Variants in TEAD4 observed in about 807,000 individuals in gnomAD.
The protein encoded by TEAD4 is TEA domain transcription factor 4.
TEAD4 carries 36 observed loss-of-function variants against 52.4 expected under a neutral mutation model. That is an observed-to-expected ratio of 0.69 (90% CI 0.53 to 0.91). TEAD4 has a LOEUF of 0.91. Among genes scored for constraint, TEAD4 ranks in the 40% least tolerant of loss-of-function variants. The pLI is 0.00. For missense variants in TEAD4, 508 were observed against 583.9 expected, an observed-to-expected ratio of 0.87 and a Z score of 1.34; for synonymous variants, 220 against 231.0, an observed-to-expected ratio of 0.95 and a Z score of 0.43.
At chr12:2,973,627 C>T (rs575801773) in intron 2 of TEAD4, among the ~76,000 whole-genome samples, 1 of 152,180 alleles carries the variant, frequency 6.6e-6, no homozygotes, top group Middle Eastern at 3.2e-3. Context: ...CCAAGAAGCT[C>T]TGTTCCTGGC....
Position 2,964,622 on chromosome 12 carries a change from TA to T in TEAD4, c.-30+4584del, listed in dbSNP as rs2098218707. Among the ~76,000 whole-genome samples, 3 of 109,442 alleles carry T rather than the reference TA, an allele frequency of 2.7e-5. No homozygotes were observed. In the Admixed American group the frequency reaches 2.8e-4, roughly 10 times the overall value. The allele number at this position is 109,442 out of a possible 152,430, so 71.8% of individuals were successfully genotyped here. A position where few individuals can be genotyped will look rare whatever the true frequency, so the allele number is the denominator to read the frequency against. ...ACAGGTGCCTGCCACCACACCTGGC[TA>T]ATTTTTTTTTTTTTTTTTTTGTATT... On this transcript the variant is annotated intron_variant, in intron 2 of 12. Coordinates refer to ENST00000359864, the MANE Select transcript of TEAD4 (RefSeq NM_003213.4).
chr12:3,038,125 G>T lies in TEAD4; in HGVS notation c.1038+17G>T. On this transcript the variant is annotated intron_variant, in intron 11 of 12. Coordinates refer to ENST00000359864, the MANE Select transcript of TEAD4 (RefSeq NM_003213.4). ...AAAGTTGAGGTAGGAGGCCACCCTG[G>T]CGGGTGAGGGCCGGTGGCAGTGGTC... 6 of 1,607,062 alleles carry T rather than the reference G, an allele frequency of 3.7e-6. No individual in the cohort carries two copies. Among genetic ancestry groups the T allele is most frequent in the Non-Finnish European group, 5.1e-6 (6 of 1,175,378 alleles).
intron 5 of TEAD4, among the ~76,000 whole-genome samples, chr12:3,014,731 C>A (rs1283459550): frequency 6.6e-6 from 1 of 152,196 alleles, no homozygotes; most frequent in Non-Finnish European, 1.5e-5. Context: ...GCTCCATTGC[C>A]CGGCTACTGC....
At chr12:2,981,031 C>T (rs2098233735) in intron 2 of TEAD4, among the ~76,000 whole-genome samples, 1 of 152,170 alleles carries the variant, frequency 6.6e-6, no homozygotes, top group Non-Finnish European at 1.5e-5. Context: ...GTGCAGCTAC[C>T]TCAAGGGGAT....
At chr12:2,966,913 G>A (rs1323874588) in intron 2 of TEAD4, among the ~76,000 whole-genome samples, 1 of 152,054 alleles carries the variant, frequency 6.6e-6, no homozygotes, top group Non-Finnish European at 1.5e-5. Context: ...CACCATGCTG[G>A]CCAGGCTGGT....
At chr12:2,971,459 T>TTTTTA (rs1002576062) in intron 2 of TEAD4, among the ~76,000 whole-genome samples, 3 of 152,036 alleles carry the variant, frequency 2.0e-5, no homozygotes, top group African/African-American at 4.8e-5. Context: ...TTTATTTTTA[T>TTTTTA]TTTTATTTTA....
At position 3,033,584 on chromosome 12, in the gene TEAD4, T is replaced by A. The variant is rs11838269; in HGVS notation, c.898-4384T>A. ...CTCTTCCCTTTCAGTCCCTGACATT[T>A]CTCCCAGGCACATACCAGCACATGA... On this transcript the variant is annotated intron_variant, in intron 10 of 12. Coordinates refer to ENST00000359864, the MANE Select transcript of TEAD4 (RefSeq NM_003213.4). Among the ~76,000 whole-genome samples the A allele has an allele frequency of 2.2e-3, 333 of 152,232 alleles. 2 individuals carry two copies. The highest frequency in any genetic ancestry group is 7.4e-3 in the African/African-American group (308 of 41,510).
In TEAD4 at chr12:3,020,110, A is replaced by T. The variant is rs565702426; in HGVS notation, c.584-524A>T. Among the ~76,000 whole-genome samples the T allele has an allele frequency of 2.6e-5, 4 of 152,228 alleles. No individual in the cohort carries two copies. In the South Asian group the frequency reaches 8.3e-4, roughly 32 times the overall value. On this transcript the variant is annotated intron_variant, in intron 8 of 12. Coordinates refer to ENST00000359864, the MANE Select transcript of TEAD4 (RefSeq NM_003213.4). ...GCCTTCAGGACACGATCTAAACTAC[A>T]GTAGGACTGGAGTAGGTTCATCTGT...
intron 3 of TEAD4, 104 bp from the exon 4 acceptor site, chr12:3,010,900 A>T: frequency 7.9e-7 from 1 of 1,257,990 alleles, no homozygotes; most frequent in Non-Finnish European, 1.1e-6. Flanking sequence ...TAGGATGGGC[A>T]GAGAGTGAGG....
rs534739210 is a variant in TEAD4 at position 2,994,577 on chromosome 12, G to C, written c.-29-161G>C. On this transcript the variant is annotated intron_variant, in intron 2 of 12. Coordinates refer to ENST00000359864, the MANE Select transcript of TEAD4 (RefSeq NM_003213.4). This position sits in a 1 kb window ranked among gnomAD's most constrained non-coding sequence, Gnocchi z 4.7. ...AAGATGAGCTCTCCAGAGGGGATGG[G>C]ACCTGTTCAAGACCCCAGGCCTGAT... Among the ~76,000 whole-genome samples, 1 of 152,176 alleles carries C rather than the reference G, an allele frequency of 6.6e-6. No individual in the cohort carries two copies. The highest frequency in any genetic ancestry group is 2.4e-5 in the African/African-American group (1 of 41,442).
At chr12:2,999,956 C>T (rs76410891) in intron 3 of TEAD4, among the ~76,000 whole-genome samples, 187 of 152,220 alleles carry the variant, frequency 1.2e-3, no homozygotes, top group Non-Finnish European at 2.2e-3. Context: ...TTGACTTTCC[C>T]GAGTCTTCCT....
At chr12:3,007,593 A>G (rs945388088) in intron 3 of TEAD4, among the ~76,000 whole-genome samples, 3 of 152,254 alleles carry the variant, frequency 2.0e-5, no homozygotes, top group Non-Finnish European at 4.4e-5. Context: ...TCATTGAAGT[A>G]TAACTGACAT....
intron 11 of TEAD4, among the ~76,000 whole-genome samples, chr12:3,038,931 G>T (rs753602517): frequency 1.1e-4 from 16 of 152,194 alleles, no homozygotes; most frequent in Non-Finnish European, 2.2e-4. Flanking sequence ...AGAGTCCGGG[G>T]CCCTGTGCCG....
rs147854924 is a variant in TEAD4, at chr12:3,022,645, C to T, written c.897+628C>T. On this transcript the variant is annotated intron_variant, in intron 10 of 12. Coordinates refer to ENST00000359864, the MANE Select transcript of TEAD4 (RefSeq NM_003213.4). ...GTGGGTGGAACCTCCTCCATTGAAACGTCTTGTCTGAGGCCGGGAGGTACA... is the reference window on the plus strand; with the variant it reads ...GTGGGTGGAACCTCCTCCATTGAAATGTCTTGTCTGAGGCCGGGAGGTACA... Among the ~76,000 whole-genome samples, 10 of 152,316 alleles carry T rather than the reference C, an allele frequency of 6.6e-5. No homozygotes were observed. In the East Asian group the frequency reaches 1.2e-3, roughly 18 times the overall value.
At chr12:2,960,880 T>G (rs1007404968) in intron 2 of TEAD4, among the ~76,000 whole-genome samples, 1 of 152,152 alleles carries the variant, frequency 6.6e-6, no homozygotes, top group East Asian at 1.9e-4. Flanking sequence ...CAGGGATAAT[T>G]TGACTGTGGT....
intron 6 of TEAD4, 126 bp downstream of exon 6, chr12:3,017,652 T>G: frequency 7.4e-7 from 1 of 1,358,148 alleles, no homozygotes; most frequent in Non-Finnish European, 9.8e-7. Context: ...GCCAGGGCAG[T>G]CAGGGAAGGA....
At position 2,994,081 on chromosome 12, in the gene TEAD4, C is replaced by A. The variant is rs1175666777; in HGVS notation, c.-29-657C>A. On this transcript the variant is annotated intron_variant, in intron 2 of 12. Transcript: ENST00000359864. This position sits in a 1 kb window ranked among gnomAD's most constrained non-coding sequence, Gnocchi z 4.7. ...TGCTTTCAGTTTGTTTGGGTATATACCCAGGTATTGGGTCATATGGTCTTG... is the reference window on the plus strand; with the variant it reads ...TGCTTTCAGTTTGTTTGGGTATATAACCAGGTATTGGGTCATATGGTCTTG... Among the ~76,000 whole-genome samples the A allele has an allele frequency of 1.3e-5, 2 of 151,748 alleles. No homozygotes were observed. Among genetic ancestry groups the A allele is most frequent in the East Asian group, 3.9e-4 (2 of 5,138 alleles).
intron 2 of TEAD4, among the ~76,000 whole-genome samples, chr12:2,980,225 G>T (rs1764104044): frequency 6.6e-6 from 1 of 152,034 alleles, no homozygotes; most frequent in Non-Finnish European, 1.5e-5. Flanking sequence ...TGGGAACCCT[G>T]CCTCTCTCCG....
At chr12:3,015,261 T>A (rs2153956950) in intron 5 of TEAD4, among the ~76,000 whole-genome samples, 1 of 152,278 alleles carries the variant, frequency 6.6e-6, no homozygotes, top group Non-Finnish European at 1.5e-5. Context: ...TGGCCCCCCG[T>A]GTGCCAGTCT....
Sources: allele counts gnomAD v4.1 joint callset (sites outside exome capture counted in the v4.1 genomes callset), GRCh38; gene constraint gnomAD v4.1.1; non-coding constraint Gnocchi (gnomAD v3.1); transcripts MANE v1.5; gene names NCBI Gene and HGNC (gene_info 2026-07-23, HGNC 2026-07-21).